TXLNB: variants seen among roughly 807,000 people sequenced by gnomAD.
TXLNB encodes the protein beta-taxilin.
A neutral mutation model predicts 57.4 loss-of-function variants in TXLNB; 37 were observed. That is an observed-to-expected ratio of 0.64 (90% CI 0.50 to 0.85). TXLNB has a LOEUF of 0.85. Ranked by LOEUF, TXLNB falls within the 40% of genes least tolerant of loss-of-function variation. The pLI is 0.00. For synonymous variants in TXLNB, 302 were observed against 309.6 expected (o/e 0.98, Z 0.26); for missense variants, 848 against 825.6 (o/e 1.03, Z -0.33).
upstream of TXLNB, among the ~76,000 whole-genome samples, chr6:139,293,225 G>A (rs1274549080): frequency 6.6e-6 from 1 of 152,134 alleles, no homozygotes; most frequent in Non-Finnish European, 1.5e-5. Flanking sequence ...CCAAGTAGCT[G>A]GGATTACAGG....
chr6:139,267,786 A>AC (rs968525755), intron 4 of TXLNB, among the ~76,000 whole-genome samples: 45 of 152,318 alleles, frequency 3.0e-4, no homozygotes, highest in African/African-American at 1.1e-3. Context: ...GAAAAGAGAT[A>AC]CACCAGGCAA....
chr6:139,170,362 GTAAC>G, the TXLNB span: 1 of 152,190 alleles, frequency 6.6e-6, no homozygotes, highest in Non-Finnish European at 1.5e-5. Context: ...TTTATAAAAT[GTAAC>G]TAACTTACCA....
chr6:139,286,225 T>C (rs12333276), intron 2 of TXLNB, among the ~76,000 whole-genome samples: 42,480 of 132,662 alleles, frequency 0.32, 8,338 homozygotes, highest in African/African-American at 0.57. Context: ...TTCCTCAAGG[T>C]TTTTCTCTCC....
intron 1 of TXLNB, among the ~76,000 whole-genome samples, chr6:139,289,427 G>T (rs1777257169): frequency 6.6e-6 from 1 of 152,188 alleles, no homozygotes; most frequent in African/African-American, 2.4e-5. Context: ...AGGGAGCTCG[G>T]CTCTTGAGAC....
chr6:139,226,122 A>T, the TXLNB span, among the ~76,000 whole-genome samples: 2 of 151,726 alleles, frequency 1.3e-5, no homozygotes, highest in African/African-American at 4.8e-5. Context: ...AACATGGAGA[A>T]ACCCTGTCTC....
the TXLNB span, among the ~76,000 whole-genome samples, chr6:139,212,301 A>G: frequency 6.6e-6 from 1 of 152,208 alleles, no homozygotes; most frequent in Non-Finnish European, 1.5e-5. Context: ...TCTACAAGCC[A>G]GAAGAGAGTG....
At chr6:139,209,931 A>T in the TXLNB span, among the ~76,000 whole-genome samples, 178 of 152,178 alleles carry the variant, frequency 1.2e-3, no homozygotes, top group Middle Eastern at 3.4e-3. Context: ...CAGACAACCC[A>T]CAGAATGAGA....
the TXLNB span, among the ~76,000 whole-genome samples, chr6:139,320,726 A>G: frequency 1.3e-5 from 2 of 152,162 alleles, no homozygotes; most frequent in African/African-American, 2.4e-5. Context: ...CAAGTTATCA[A>G]CTTGCTCAAG....
At chr6:139,322,273 C>T in the TXLNB span, among the ~76,000 whole-genome samples, 1 of 152,136 alleles carries the variant, frequency 6.6e-6, no homozygotes, top group African/African-American at 2.4e-5. Flanking sequence ...AGATCAAGAT[C>T]AACACCCTGG....
At chr6:139,312,628 G>T in the TXLNB span, among the ~76,000 whole-genome samples, 4 of 152,058 alleles carry the variant, frequency 2.6e-5, no homozygotes, top group African/African-American at 9.7e-5. Flanking sequence ...GTTAGCAATG[G>T]CCATCATCCT....
chr6:139,186,666 A>G, the TXLNB span, among the ~76,000 whole-genome samples: 2 of 152,238 alleles, frequency 1.3e-5, no homozygotes, highest in Admixed American at 6.5e-5. Flanking sequence ...GGACTCATTC[A>G]TGAATGTTTG....
At chr6:139,319,213 A>AT in the TXLNB span, among the ~76,000 whole-genome samples, 1 of 150,706 alleles carries the variant, frequency 6.6e-6, no homozygotes, top group Non-Finnish European at 1.5e-5. Flanking sequence ...AAGTGCTGGG[A>AT]TTACAGGCAT....
the TXLNB span, among the ~76,000 whole-genome samples, chr6:139,195,421 T>C: frequency 6.6e-6 from 1 of 152,164 alleles, no homozygotes; most frequent in Non-Finnish European, 1.5e-5. Context: ...GTGCCACATA[T>C]TTTTATTTTC....
chr6:139,262,486 G>A, intron 5 of TXLNB, 93 bp downstream of exon 5: 1 of 1,118,306 alleles, frequency 8.9e-7, no homozygotes, highest in Non-Finnish European at 1.3e-6. Flanking sequence ...AGTTGAGAGG[G>A]CTGGCTGTAA....
the TXLNB span, among the ~76,000 whole-genome samples, chr6:139,211,379 T>G: frequency 3.9e-5 from 6 of 152,034 alleles, no homozygotes; most frequent in Non-Finnish European, 8.8e-5. Flanking sequence ...GGGTCTGGAG[T>G]GGACTTCCAG....
intron 7 of TXLNB, among the ~76,000 whole-genome samples, chr6:139,249,527 C>G (rs992587537): frequency 6.6e-6 from 1 of 152,108 alleles, no homozygotes; most frequent in African/African-American, 2.4e-5. Context: ...AGGAAGGCAC[C>G]GACCGGTGTT....
Position 139,276,872 on chromosome 6 carries a change from C to T in TXLNB, c.474G>A (p.Pro158=), listed in dbSNP as rs377687077. The T allele has an allele frequency of 2.9e-5, 47 of 1,599,450 alleles. No homozygotes were observed. Among genetic ancestry groups the T allele is most frequent in the South Asian group, 1.7e-4 (15 of 88,020 alleles). ...LMQNLNKLQT[P]EEKFDFLFKK... is the part of the protein sequence containing the mutation. ...TGAATAAAAAATCAAACTTTTCTTC[C>T]GGTGTTTGCAACTTGTTCAGATTTT... The change falls in exon 3 of 10, where the codon CCG becomes CCA. Residue 158 remains proline (P), a synonymous_variant. Transcript: ENST00000358430.
chr6:139,220,646 G>T, the TXLNB span, among the ~76,000 whole-genome samples: 1 of 152,136 alleles, frequency 6.6e-6, no homozygotes, highest in African/African-American at 2.4e-5. Context: ...AACTTATTGT[G>T]GCACACTTTC....
At chr6:139,167,151 T>TG in the TXLNB span, 3 of 1,614,142 alleles carry the variant, frequency 1.9e-6, no homozygotes, top group Non-Finnish European at 8.5e-7. Flanking sequence ...GGGGAAGACT[T>TG]GCGGAAGTTC....
Sources: gnomAD v4.1 joint callset for allele counts (sites outside exome capture counted in the v4.1 genomes callset) on GRCh38, gnomAD v4.1.1 for gene constraint, MANE v1.5 for transcripts, NCBI Gene and HGNC (gene_info 2026-07-23, HGNC 2026-07-21) for gene names.